COL8A1: variants seen among roughly 807,000 people sequenced by gnomAD.
COL8A1 encodes collagen type VIII alpha 1 chain, also known as collagen alpha-1(VIII) chain.
COL8A1 carries 21 observed loss-of-function variants against 42.7 expected under a neutral mutation model. The observed-to-expected ratio is 0.49, with a 90% CI of 0.35 to 0.71. The LOEUF (loss-of-function observed/expected upper bound fraction) is 0.71. COL8A1 is among the 30% of genes least tolerant of loss of function. The pLI, the probability that COL8A1 is intolerant of heterozygous loss-of-function variation, is 0.01. For synonymous variants in COL8A1, 367 were observed against 369.1 expected, an observed-to-expected ratio of 0.99 and a Z score of 0.06; for missense variants, 788 against 962.4, an observed-to-expected ratio of 0.82 and a Z score of 2.40.
At chr3:99,740,592 A>G (rs575703207) in intron 1 of COL8A1, among the ~76,000 whole-genome samples, 1 of 152,316 alleles carries the variant, frequency 6.6e-6, no homozygotes, top group Non-Finnish European at 1.5e-5. Flanking sequence ...CAAGAACAGC[A>G]TGAGGGTAAC....
At chr3:99,777,535 C>T (rs1009844329) in intron 2 of COL8A1, among the ~76,000 whole-genome samples, 21 of 152,212 alleles carry the variant, frequency 1.4e-4, no homozygotes, top group African/African-American at 5.1e-4. Flanking sequence ...AATTCAGACA[C>T]ACTTTCTGGT....
At chr3:99,704,358 C>T (rs928026609) in intron 1 of COL8A1, among the ~76,000 whole-genome samples, 5 of 151,570 alleles carry the variant, frequency 3.3e-5, no homozygotes, top group South Asian at 4.2e-4. Context: ...GATTTTCCTA[C>T]ACTCAAAGAT....
At chr3:99,643,842 C>T (rs1370742981) in intron 1 of COL8A1, among the ~76,000 whole-genome samples, 2 of 152,204 alleles carry the variant, frequency 1.3e-5, no homozygotes, top group African/African-American at 4.8e-5. Flanking sequence ...GCGTAACTCT[C>T]CTCTTCCACC....
chr3:99,677,160 G>A (rs1384519763), intron 1 of COL8A1, among the ~76,000 whole-genome samples: 1 of 151,210 alleles, frequency 6.6e-6, no homozygotes, highest in Non-Finnish European at 1.5e-5. Flanking sequence ...ATATATATAA[G>A]CACATCAATT....
chr3:99,728,104 C>A (rs1940392679), intron 1 of COL8A1, among the ~76,000 whole-genome samples: 1 of 152,022 alleles, frequency 6.6e-6, no homozygotes, highest in Admixed American at 6.6e-5. Flanking sequence ...CCCTCTCTCA[C>A]CACTCCTATT....
intron 1 of COL8A1, among the ~76,000 whole-genome samples, chr3:99,734,721 A>C (rs1940647144): frequency 6.6e-6 from 1 of 151,840 alleles, no homozygotes; most frequent in South Asian, 2.1e-4. Context: ...ATGGCATTGA[A>C]TCTGTAAATT....
chr3:99,782,652 A>G (rs1941816316), intron 2 of COL8A1, among the ~76,000 whole-genome samples: 1 of 152,180 alleles, frequency 6.6e-6, no homozygotes, highest in Non-Finnish European at 1.5e-5. Flanking sequence ...TCAGCCTCTC[A>G]AAGTGCTAGG....
chr3:99,783,344 G>A (rs1479792117), intron 2 of COL8A1, among the ~76,000 whole-genome samples: 1 of 152,226 alleles, frequency 6.6e-6, no homozygotes, highest in African/African-American at 2.4e-5. Flanking sequence ...CCTATAGCTA[G>A]TACATGGGGA....
chr3:99,787,882 C>CCA (rs1418717108), intron 2 of COL8A1, among the ~76,000 whole-genome samples: 8 of 146,984 alleles, frequency 5.4e-5, no homozygotes, highest in Non-Finnish European at 9.2e-5. Flanking sequence ...ACACCCACAC[C>CCA]CACACACACA....
chr3:99,667,025 A>G (rs1938387433), intron 1 of COL8A1, among the ~76,000 whole-genome samples: 1 of 152,200 alleles, frequency 6.6e-6, no homozygotes, highest in African/African-American at 2.4e-5. Flanking sequence ...TATGTATATG[A>G]AAAGAATAAT....
intron 1 of COL8A1, chr3:99,707,146 G>T (rs899623965): frequency 7.2e-5 from 11 of 152,164 alleles, no homozygotes; most frequent in African/African-American, 2.7e-4. Flanking sequence ...GTTGTGAGAC[G>T]GAGTTGTGAA....
chr3:99,680,360 G>A (rs1938834040), intron 1 of COL8A1: 3 of 152,156 alleles, frequency 2.0e-5, no homozygotes, highest in Admixed American at 2.0e-4. Context: ...ATTCCATGGT[G>A]TATATGTGCC....
intron 2 of COL8A1, among the ~76,000 whole-genome samples, chr3:99,789,524 T>C (rs1465557406): frequency 6.6e-6 from 1 of 152,174 alleles, no homozygotes; most frequent in Non-Finnish European, 1.5e-5. Flanking sequence ...GGCAGAATAT[T>C]GAACAGACCT....
chr3:99,757,219 T>C (rs372639957), intron 2 of COL8A1, among the ~76,000 whole-genome samples: 13 of 152,302 alleles, frequency 8.5e-5, no homozygotes, highest in African/African-American at 2.9e-4. Context: ...ATCTTTTCTT[T>C]CTACTTGTTT....
At chr3:99,740,075 G>A (rs1940854799) in intron 1 of COL8A1, among the ~76,000 whole-genome samples, 1 of 152,178 alleles carries the variant, frequency 6.6e-6, no homozygotes, top group South Asian at 2.1e-4. Flanking sequence ...AACATAGCAA[G>A]AGTGACCTTT....
At chr3:99,671,136 A>G (rs778337035) in intron 1 of COL8A1, among the ~76,000 whole-genome samples, 52 of 151,790 alleles carry the variant, frequency 3.4e-4, no homozygotes, top group Non-Finnish European at 6.3e-4. Context: ...AATGGGAAGG[A>G]AGATGATCTC....
rs114203052 is a variant in COL8A1 at position 99,778,086 on chromosome 3, G to A, written c.-3-12594G>A. On this transcript the variant is annotated intron_variant, in intron 2 of 3. Transcript: ENST00000652472. ...GAATTGTGGAACTTTGCAAAGTGCT[G>A]TTGAAGAGTTCACATGAATATGAAA... Among the ~76,000 whole-genome samples, 1,264 of 152,262 alleles carry A rather than the reference G, an allele frequency of 8.3e-3. 18 individuals are homozygous for A. Among genetic ancestry groups the A allele is most frequent in the Middle Eastern group, 0.027 (8 of 294 alleles).
At chr3:99,677,373 A>G (rs1159284666) in intron 1 of COL8A1, among the ~76,000 whole-genome samples, 3 of 152,112 alleles carry the variant, frequency 2.0e-5, no homozygotes, top group African/African-American at 4.8e-5. Flanking sequence ...GCAAAATATC[A>G]CAGCTATTTG....
rs548348770 is a variant in COL8A1 at position 99,777,833 on chromosome 3, T to C, written c.-3-12847T>C. ...AAAGGGCAGCTAACGGAAATACACTTAAGTGGCATTAATTCATCCTGAAGA... is the reference window on the plus strand; with the variant it reads ...AAAGGGCAGCTAACGGAAATACACTCAAGTGGCATTAATTCATCCTGAAGA... On this transcript the variant is annotated intron_variant, in intron 2 of 3. Coordinates refer to ENST00000652472, the MANE Select transcript of COL8A1 (RefSeq NM_020351.4). 6.6e-5 allele frequency among the ~76,000 whole-genome samples: 10 copies of C among 152,328 alleles called. No homozygotes were observed. The South Asian group carries it at 2.1e-3, about 32-fold the overall frequency.
Sources: gnomAD v4.1 joint callset for allele counts (sites outside exome capture counted in the v4.1 genomes callset) on GRCh38, gnomAD v4.1.1 for gene constraint, MANE v1.5 for transcripts, NCBI Gene and HGNC (gene_info 2026-07-23, HGNC 2026-07-21) for gene names.